Variants in DIS3L2 observed in about 807,000 individuals in gnomAD.
DIS3L2 encodes the protein DIS3-like exonuclease 2.
Under a neutral mutation model 97.5 loss-of-function variants are expected in DIS3L2, and 34 were observed. That is an observed-to-expected ratio of 0.35 (90% CI 0.27 to 0.46). The LOEUF is 0.46. Ranked by LOEUF, DIS3L2 falls within the 20% of genes least tolerant of loss-of-function variation. The pLI, the probability that DIS3L2 is intolerant of heterozygous loss-of-function variation, is 1.00. For missense variants in DIS3L2, 1,038 were observed against 1,146.0 expected, an observed-to-expected ratio of 0.91 and a Z score of 1.36; for synonymous variants, 435 against 445.2, an observed-to-expected ratio of 0.98 and a Z score of 0.29.
chr2:232,248,452 A>T (rs2853358), intron 11 of DIS3L2, among the ~76,000 whole-genome samples: 33,054 of 92,326 alleles, frequency 0.36, 4,064 homozygotes, highest in South Asian at 0.63. Flanking sequence ...TTTTGAAGTA[A>T]TTTCAGGAGA....
Position 232,136,534 on chromosome 2 carries a change from T to A in DIS3L2, c.765T>A (p.Ala255=). The A allele has an allele frequency of 2.5e-6, 4 of 1,614,146 alleles. No individual in the cohort carries two copies. Among genetic ancestry groups the A allele is most frequent in the Non-Finnish European group, 3.4e-6 (4 of 1,179,972 alleles). ...CAACCGGCTTCCTCAAACTCTTGGCTGATAAGAACAGCGAACTGTTTAGGA... is the reference window on the plus strand; with the variant it reads ...CAACCGGCTTCCTCAAACTCTTGGCAGATAAGAACAGCGAACTGTTTAGGA... ...RAATGFLKLL[A]DKNSELFRKY... is the part of the protein sequence containing the mutation. The change falls in exon 8 of 21, where the codon GCT becomes GCA. Residue 255 remains alanine (A), a synonymous_variant. Coordinates refer to ENST00000325385, the MANE Select transcript of DIS3L2 (RefSeq NM_152383.5).
intron 16 of DIS3L2, 76 bp from the exon 17 acceptor site, chr2:232,333,764 T>TAATAG: frequency 2.0e-5 from 29 of 1,444,504 alleles, no homozygotes; most frequent in Admixed American, 1.4e-4. Context: ...ACGGTGAGGC[T>TAATAG]GTGGGTGGTG....
chr2:232,009,613 A>G (rs1694141867), intron 1 of DIS3L2, among the ~76,000 whole-genome samples: 1 of 152,108 alleles, frequency 6.6e-6, no homozygotes, highest in African/African-American at 2.4e-5. Context: ...AGGCTTGGAG[A>G]ATGCATTCAA....
intron 9 of DIS3L2, among the ~76,000 whole-genome samples, chr2:232,173,681 T>G (rs2106175423): frequency 6.6e-6 from 1 of 152,328 alleles, no homozygotes; most frequent in South Asian, 2.1e-4. Flanking sequence ...TAAGAAAAAC[T>G]TGTTGACAAG....
intron 10 of DIS3L2, among the ~76,000 whole-genome samples, chr2:232,238,014 C>G (rs1692980201): frequency 6.6e-6 from 1 of 152,014 alleles, no homozygotes; most frequent in South Asian, 2.1e-4. Context: ...GAGTACCTTT[C>G]CCAGACCCAC....
chr2:232,080,240 G>A (rs576309326), intron 5 of DIS3L2, among the ~76,000 whole-genome samples: 2 of 152,314 alleles, frequency 1.3e-5, no homozygotes, highest in East Asian at 3.9e-4. Flanking sequence ...GATGGAAGGT[G>A]ATGTTATCTG....
intron 11 of DIS3L2, among the ~76,000 whole-genome samples, chr2:232,247,523 C>A (rs958206254): frequency 5.4e-4 from 81 of 150,674 alleles, no homozygotes; most frequent in Non-Finnish European, 3.4e-4. Flanking sequence ...CAGGGCACCA[C>A]CCCGTGTCCT....
chr2:232,137,152 G>A (rs1034501364), intron 8 of DIS3L2, among the ~76,000 whole-genome samples: 2 of 152,238 alleles, frequency 1.3e-5, no homozygotes, highest in African/African-American at 2.4e-5. Flanking sequence ...TATTTAAATG[G>A]CATTCTTTTT....
At chr2:232,075,537 A>ACC (rs544449927) in intron 5 of DIS3L2, among the ~76,000 whole-genome samples, 1 of 151,998 alleles carries the variant, frequency 6.6e-6, no homozygotes, top group Non-Finnish European at 1.5e-5. Flanking sequence ...TTAACTGTCA[A>ACC]CCCATATTAT....
chr2:232,330,097 C>T, intron 15 of DIS3L2, 101 bp downstream of exon 15: 1 of 1,390,702 alleles, frequency 7.2e-7, no homozygotes, highest in Non-Finnish European at 9.6e-7. Flanking sequence ...CCCCCAGAGT[C>T]CCTCCCCTTC....
intron 12 of DIS3L2, among the ~76,000 whole-genome samples, chr2:232,251,055 A>G (rs115790346): frequency 0.019 from 2,916 of 152,324 alleles, 36 homozygotes; most frequent in Non-Finnish European, 0.029. Context: ...TAGGGAGGCT[A>G]TTACTAATGC....
chr2:232,086,538 T>G (rs1383605476), intron 5 of DIS3L2, among the ~76,000 whole-genome samples: 1 of 145,426 alleles, frequency 6.9e-6, no homozygotes, highest in African/African-American at 2.5e-5. Flanking sequence ...GTGGAACCAT[T>G]AGTGGCAGAA....
intron 14 of DIS3L2, among the ~76,000 whole-genome samples, chr2:232,322,662 C>T (rs1357550202): frequency 3.3e-5 from 5 of 152,234 alleles, no homozygotes; most frequent in Admixed American, 6.5e-5. Flanking sequence ...TTCAAACTTG[C>T]AGCAGCAAAG....
intron 5 of DIS3L2, among the ~76,000 whole-genome samples, chr2:232,045,842 T>G (rs1348994974): frequency 1.3e-5 from 2 of 151,936 alleles, no homozygotes; most frequent in African/African-American, 2.4e-5. Flanking sequence ...GCCCAGCTAA[T>G]TTTTGTATTT....
rs558658087 is a variant in DIS3L2, at chr2:232,105,903, A to G, written c.601+18182A>G. Among the ~76,000 whole-genome samples the G allele has an allele frequency of 7.9e-5, 12 of 152,212 alleles. No homozygotes were observed. In the South Asian group the frequency reaches 8.3e-4, roughly 11 times the overall value. The stretch of plus-strand genomic sequence containing the variant: ...CATGGCTTTTCCGGCACCTTTTCCA[A>G]TATGGTGTTCCTGACTCTCTTGCTT... On this transcript the variant is annotated intron_variant, in intron 6 of 20. Coordinates refer to ENST00000325385, the MANE Select transcript of DIS3L2 (RefSeq NM_152383.5).
At chr2:232,043,657 T>A (rs1189453531) in intron 5 of DIS3L2, among the ~76,000 whole-genome samples, 1 of 152,196 alleles carries the variant, frequency 6.6e-6, no homozygotes, top group Non-Finnish European at 1.5e-5. Flanking sequence ...GTCATGTAAT[T>A]ATTGCTTTAA....
At chr2:231,994,318 TC>T (rs1304240482) in intron 1 of DIS3L2, among the ~76,000 whole-genome samples, 1 of 152,138 alleles carries the variant, frequency 6.6e-6, no homozygotes, top group Non-Finnish European at 1.5e-5. Context: ...GTATGATTCC[TC>T]CAACTTTATT....
intron 1 of DIS3L2, among the ~76,000 whole-genome samples, chr2:232,013,962 A>G (rs1199908282): frequency 6.6e-6 from 1 of 152,254 alleles, no homozygotes. Context: ...TGTGGGAAAT[A>G]TAGAGGAAAT....
At chr2:232,185,961 G>A (rs903478123) in intron 9 of DIS3L2, among the ~76,000 whole-genome samples, 11 of 151,782 alleles carry the variant, frequency 7.2e-5, no homozygotes, top group Non-Finnish European at 1.5e-4. Flanking sequence ...AGAGAAAATT[G>A]GTGAAACAAA....
Sources: allele counts gnomAD v4.1 joint callset (sites outside exome capture counted in the v4.1 genomes callset), GRCh38; gene constraint gnomAD v4.1.1; transcripts MANE v1.5; gene names NCBI Gene and HGNC (gene_info 2026-07-23, HGNC 2026-07-21).